The following ZEB1 variants were observed in gnomAD, a reference collection of about 807,000 sequenced individuals.
ZEB1 encodes the protein zinc finger E-box-binding homeobox 1.
In ZEB1, 21 loss-of-function variants were observed where a neutral mutation model predicts 84.9. The ratio of observed to expected loss-of-function variants is 0.25; its 90% CI spans 0.18 to 0.36. The LOEUF (loss-of-function observed/expected upper bound fraction) is 0.36, where lower values mean the gene tolerates loss of function less well. ZEB1 is among the 10% of genes least tolerant of loss of function. ZEB1 has a pLI of 1.00. For missense variants in ZEB1, 1,104 were observed against 1,330.2 expected (o/e 0.83, Z 2.65); for synonymous variants, 420 against 471.1 (o/e 0.89, Z 1.41).
intron 2 of ZEB1, among the ~76,000 whole-genome samples, chr10:31,485,813 A>T (rs776413629): frequency 3.3e-5 from 5 of 151,790 alleles, no homozygotes; most frequent in Admixed American, 6.6e-5. Context: ...AAGTGTATTC[A>T]TGTAGCAACC....
At chr10:31,476,244 T>C (rs1010389170) in intron 2 of ZEB1, among the ~76,000 whole-genome samples, 1 of 151,584 alleles carries the variant, frequency 6.6e-6, no homozygotes, top group Non-Finnish European at 1.5e-5. Flanking sequence ...GAGAGAAAAT[T>C]CAAGTAAGCA....
chr10:31,407,557 C>A (rs554550969), intron 1 of ZEB1, among the ~76,000 whole-genome samples: 2 of 151,886 alleles, frequency 1.3e-5, no homozygotes, highest in African/African-American at 4.8e-5. Flanking sequence ...AATAAACATA[C>A]GTGTGCATGT....
In ZEB1 at chr10:31,362,663, G is replaced by GCTC. The variant is rs1332490147; in HGVS notation, c.58+43375_58+43377dup. 4.4e-5 allele frequency: 18 copies of GCTC among 405,128 alleles called. 1 individual carries two copies. Among genetic ancestry groups the GCTC allele is most frequent in the Admixed American group, 1.8e-4 (5 of 27,882 alleles). The allele number at this position is 405,128 out of a possible 1,614,324, so 25.1% of individuals were successfully genotyped here. A position where few individuals can be genotyped will look rare whatever the true frequency, so the allele number is the denominator to read the frequency against. On this transcript the variant is annotated intron_variant, in intron 1 of 8. Coordinates refer to ENST00000424869, the MANE Select transcript of ZEB1 (RefSeq NM_001174096.2). ...GATGGTGCGGTGGCCGGGCACAGGC[G>GCTC]CTCCTCACTTCCCAGATGGTGGAGC...
chr10:31,341,196 A>T (rs2039291858), intron 1 of ZEB1, among the ~76,000 whole-genome samples: 1 of 152,134 alleles, frequency 6.6e-6, no homozygotes, highest in African/African-American at 2.4e-5. Context: ...AGGGAAAAAG[A>T]TTGGAGGCAG....
At chr10:31,382,034 A>AC (rs71299748) in intron 1 of ZEB1, among the ~76,000 whole-genome samples, 1 of 145,704 alleles carries the variant, frequency 6.9e-6, no homozygotes. Flanking sequence ...AAAAAAAAAA[A>AC]CAAAGTAAAT....
intron 1 of ZEB1, among the ~76,000 whole-genome samples, chr10:31,338,164 T>C (rs1334400746): frequency 6.6e-6 from 1 of 152,266 alleles, no homozygotes. Context: ...GGTATTACCT[T>C]ATTATATTTT....
chr10:31,459,841 GT>G (rs2061626709), intron 1 of ZEB1, among the ~76,000 whole-genome samples: 1 of 113,840 alleles, frequency 8.8e-6, no homozygotes, highest in African/African-American at 4.4e-5. Flanking sequence ...GTGTGTGTGT[GT>G]GTGTGTGTGT....
chr10:31,330,744 C>T (rs2036557013), intron 1 of ZEB1, among the ~76,000 whole-genome samples: 1 of 152,102 alleles, frequency 6.6e-6, no homozygotes, highest in African/African-American at 2.4e-5. Context: ...AAGTTGATTA[C>T]AGATGGGTTT....
chr10:31,422,935 G>C (rs373991927), intron 1 of ZEB1, among the ~76,000 whole-genome samples: 1 of 151,904 alleles, frequency 6.6e-6, no homozygotes, highest in African/African-American at 2.4e-5. Flanking sequence ...GGTTTTCTGT[G>C]CCAGTGTTAA....
At chr10:31,510,624 A>G in intron 4 of ZEB1, 49 bp from the exon 5 acceptor site, 1 of 1,523,616 alleles carries the variant, frequency 6.6e-7, no homozygotes, top group Non-Finnish European at 9.0e-7. Flanking sequence ...AACTTTGGTA[A>G]TATTTTCTGA....
chr10:31,410,858 T>C (rs1006485138), intron 1 of ZEB1, among the ~76,000 whole-genome samples: 6 of 152,220 alleles, frequency 3.9e-5, no homozygotes, highest in Non-Finnish European at 8.8e-5. Context: ...GATATCCCCT[T>C]TATCATTTTT....
At chr10:31,509,338 A>C (rs1382132539) in intron 4 of ZEB1, among the ~76,000 whole-genome samples, 1 of 151,786 alleles carries the variant, frequency 6.6e-6, no homozygotes, top group Non-Finnish European at 1.5e-5. Flanking sequence ...GGGAATGTGG[A>C]CCCCTGGGGG....
At chr10:31,377,627 C>A (rs1450331260) in intron 1 of ZEB1, among the ~76,000 whole-genome samples, 1 of 151,716 alleles carries the variant, frequency 6.6e-6, no homozygotes, top group Admixed American at 6.6e-5. Context: ...TTCAAGGCTT[C>A]TCAGATATTC....
intron 2 of ZEB1, among the ~76,000 whole-genome samples, chr10:31,476,904 C>T (rs942532928): frequency 3.3e-5 from 5 of 151,964 alleles, no homozygotes; most frequent in African/African-American, 4.8e-5. Context: ...ATTGAAGGAA[C>T]GTACCTAAAA....
At chr10:31,419,410 G>A (rs2055770751) in intron 1 of ZEB1, among the ~76,000 whole-genome samples, 2 of 152,050 alleles carry the variant, frequency 1.3e-5, no homozygotes, top group South Asian at 4.2e-4. Context: ...TTTGAATAGT[G>A]GAATAATATA....
intron 1 of ZEB1, among the ~76,000 whole-genome samples, chr10:31,353,798 CAT>C (rs1164437243): frequency 2.0e-5 from 3 of 152,154 alleles, no homozygotes; most frequent in African/African-American, 7.2e-5. Flanking sequence ...ATTGGCAATA[CAT>C]AGTTTTGGTC....
At chr10:31,480,275 T>G (rs2064869412) in intron 2 of ZEB1, among the ~76,000 whole-genome samples, 1 of 152,054 alleles carries the variant, frequency 6.6e-6, no homozygotes, top group Admixed American at 6.6e-5. Context: ...TGTTTAAAAC[T>G]CTGATCATAT....
chr10:31,527,191 A>G lies in ZEB1; in HGVS notation c.3305A>G (p.Gln1102Arg), dbSNP rs999031795. 1 of 1,611,780 alleles carries G rather than the reference A, an allele frequency of 6.2e-7. No homozygotes were observed. Among genetic ancestry groups the G allele is most frequent in the African/African-American group, 1.3e-5 (1 of 74,812 alleles). Reference sequence around the variant, plus strand: ...ATGAAGGATGACAGGGCTGAAAGTCAAGCAAGCAGCTTAGGACAAAAAGTA... The same window carrying G: ...ATGAAGGATGACAGGGCTGAAAGTCGAGCAAGCAGCTTAGGACAAAAAGTA... ...GLMKDDRAESQASSLGQKVGE... is the reference protein window; with the variant it reads ...GLMKDDRAESRASSLGQKVGE... The change falls in exon 9 of 9, where the codon CAA (glutamine) becomes CGA (arginine). Residue 1102 changes from glutamine (Q) to arginine (R), a missense_variant. Around this residue, in one of 7 missense-constraint regions of ZEB1, gnomAD observed 173 missense variants for 167.0 expected, o/e 1.04. Coordinates refer to ENST00000424869, the MANE Select transcript of ZEB1 (RefSeq NM_001174096.2).
At chr10:31,379,160 G>A (rs2047196191) in intron 1 of ZEB1, among the ~76,000 whole-genome samples, 1 of 151,984 alleles carries the variant, frequency 6.6e-6, no homozygotes, top group East Asian at 1.9e-4. Context: ...GGACTCATTT[G>A]AATCATGAGA....
Sources: gnomAD v4.1 joint callset for allele counts (sites outside exome capture counted in the v4.1 genomes callset) on GRCh38, gnomAD v4.1.1 for gene constraint, gnomAD v4.1.1 regional missense constraint, MANE v1.5 for transcripts, NCBI Gene and HGNC (gene_info 2026-07-23, HGNC 2026-07-21) for gene names.